The following MGMT variants were observed in gnomAD, a reference collection of about 807,000 sequenced individuals.
The protein encoded by MGMT is methylated-DNA--protein-cysteine methyltransferase.
MGMT carries 14 observed loss-of-function variants against 15.9 expected under a neutral mutation model. The ratio of observed to expected loss-of-function variants is 0.88; its 90% CI spans 0.58 to 1.37. The LOEUF is 1.37. Ranked by LOEUF, MGMT falls within the 40% of genes most tolerant of loss-of-function variation. The pLI, the probability that MGMT is intolerant of heterozygous loss-of-function variation, is 0.00. For synonymous variants in MGMT, 130 were observed against 118.2 expected (o/e 1.10, Z -0.65); for missense variants, 282 against 268.1 (o/e 1.05, Z -0.36).
intron 2 of MGMT, among the ~76,000 whole-genome samples, chr10:129,560,610 A>G (rs1173033006): frequency 2.0e-5 from 3 of 152,214 alleles, no homozygotes; most frequent in African/African-American, 7.2e-5. Flanking sequence ...TACTGTGTAC[A>G]CAGAATCTAG....
intron 2 of MGMT, among the ~76,000 whole-genome samples, chr10:129,648,151 T>A (rs1219694707): frequency 6.6e-6 from 1 of 152,128 alleles, no homozygotes; most frequent in Admixed American, 6.5e-5. Context: ...GAAACACATC[T>A]CCATAATATT....
At chr10:129,661,035 G>A (rs567118450) in intron 2 of MGMT, among the ~76,000 whole-genome samples, 133 of 152,232 alleles carry the variant, frequency 8.7e-4, no homozygotes, top group South Asian at 1.5e-3. Flanking sequence ...TGTTTCTGTT[G>A]TAAATATACT....
intron 3 of MGMT, among the ~76,000 whole-genome samples, chr10:129,754,931 C>T (rs1589977398): frequency 6.1e-5 from 1 of 16,420 alleles, no homozygotes; most frequent in Non-Finnish European, 9.0e-5. Context: ...GGATTAGAGC[C>T]GAGCCCCTAG....
intron 2 of MGMT, among the ~76,000 whole-genome samples, chr10:129,646,754 A>ATATATATATT: frequency 1.3e-4 from 11 of 86,670 alleles, no homozygotes; most frequent in African/African-American, 4.3e-4. Context: ...ATATATATAT[A>ATATATATATT]TTTTCAGGGA....
chr10:129,718,745 CGTGTCACCTTCCGCTCAGGT>C (rs1338740655), intron 3 of MGMT, among the ~76,000 whole-genome samples: 3 of 151,918 alleles, frequency 2.0e-5, no homozygotes, highest in African/African-American at 7.3e-5. Context: ...CCTGCTAAGG[CGTGTCACCTTCCGCTCAGGT>C]GTGTCACCTT....
chr10:129,590,105 G>A (rs1229690234), intron 2 of MGMT, among the ~76,000 whole-genome samples: 2 of 152,216 alleles, frequency 1.3e-5, no homozygotes, highest in Non-Finnish European at 2.9e-5. Flanking sequence ...CTCCCACCTC[G>A]AGGACCGGAG....
chr10:129,472,948 A>G (rs1192698387), intron 1 of MGMT, among the ~76,000 whole-genome samples: 2 of 152,202 alleles, frequency 1.3e-5, no homozygotes, highest in Non-Finnish European at 2.9e-5. Flanking sequence ...GTCTTTTCAC[A>G]GTAGACATTC....
intron 1 of MGMT, among the ~76,000 whole-genome samples, chr10:129,480,408 C>T (rs1182481457): frequency 2.0e-5 from 3 of 152,154 alleles, no homozygotes; most frequent in East Asian, 1.9e-4. Flanking sequence ...CGTCTTTCAT[C>T]GGCCCTGTGG....
At chr10:129,496,195 A>C (rs1304672958) in intron 1 of MGMT, among the ~76,000 whole-genome samples, 1 of 152,338 alleles carries the variant, frequency 6.6e-6, no homozygotes, top group African/African-American at 2.4e-5. Flanking sequence ...TAAATATTTC[A>C]GGAAACTTGA....
intron 2 of MGMT, among the ~76,000 whole-genome samples, chr10:129,615,643 GT>G (rs1847016445): frequency 6.6e-6 from 1 of 152,130 alleles, no homozygotes; most frequent in Admixed American, 6.5e-5. Flanking sequence ...AATTTTTAAG[GT>G]TTTGGTTGGC....
At chr10:129,591,225 T>C (rs1309130424) in intron 2 of MGMT, among the ~76,000 whole-genome samples, 3 of 152,188 alleles carry the variant, frequency 2.0e-5, no homozygotes, top group Non-Finnish European at 4.4e-5. Context: ...TTTTTAACTT[T>C]TGAAAATGCC....
intron 1 of MGMT, among the ~76,000 whole-genome samples, chr10:129,482,524 G>A (rs1367526160): frequency 6.6e-6 from 1 of 152,104 alleles, no homozygotes; most frequent in Non-Finnish European, 1.5e-5. Context: ...TATGATTGGA[G>A]ACTTATTACC....
intron 1 of MGMT, among the ~76,000 whole-genome samples, chr10:129,525,140 G>A (rs1312024545): frequency 6.6e-6 from 1 of 152,122 alleles, no homozygotes; most frequent in East Asian, 1.9e-4. Context: ...ACACACAGCA[G>A]TTTGTATGTT....
chr10:129,708,896 AT>A (rs1476191786), intron 3 of MGMT, among the ~76,000 whole-genome samples: 3 of 152,210 alleles, frequency 2.0e-5, no homozygotes, highest in Admixed American at 1.3e-4. Flanking sequence ...CAGTATTCTA[AT>A]TGCTGCGGTG....
At chr10:129,494,854 C>T (rs1845504837) in intron 1 of MGMT, among the ~76,000 whole-genome samples, 1 of 152,154 alleles carries the variant, frequency 6.6e-6, no homozygotes, top group Admixed American at 6.5e-5. Context: ...ACCACGACTG[C>T]TCTGAGTACC....
intron 2 of MGMT, among the ~76,000 whole-genome samples, chr10:129,621,642 T>G (rs1589898320): frequency 6.6e-6 from 1 of 151,914 alleles, no homozygotes; most frequent in South Asian, 2.1e-4. Flanking sequence ...GGAGCGGAGG[T>G]GTTAAGAAGT....
chr10:129,565,596 A>T (rs958573951), intron 2 of MGMT, among the ~76,000 whole-genome samples: 3 of 152,168 alleles, frequency 2.0e-5, no homozygotes, highest in South Asian at 4.1e-4. Context: ...GATGTGGTAG[A>T]CACCTCACTA....
chr10:129,740,191 C>T (rs1225513022), intron 3 of MGMT, among the ~76,000 whole-genome samples: 2 of 152,202 alleles, frequency 1.3e-5, no homozygotes, highest in Non-Finnish European at 2.9e-5. Flanking sequence ...TAACATGCAT[C>T]AGGTGCTCCA....
At chr10:129,470,458 A>G (rs1434474117) in intron 1 of MGMT, among the ~76,000 whole-genome samples, 1 of 152,232 alleles carries the variant, frequency 6.6e-6, no homozygotes, top group Non-Finnish European at 1.5e-5. Flanking sequence ...TGAATATAGT[A>G]TGGAATGTAA....
Sources: allele counts gnomAD v4.1 joint callset (sites outside exome capture counted in the v4.1 genomes callset), GRCh38; gene constraint gnomAD v4.1.1; transcripts MANE v1.5; gene names NCBI Gene and HGNC (gene_info 2026-07-23, HGNC 2026-07-21).